The following DOCK2 variants were observed in gnomAD, a reference collection of about 807,000 sequenced individuals.
DOCK2 encodes the protein dedicator of cytokinesis 2, also known as dedicator of cytokinesis protein 2.
A neutral mutation model predicts 248.9 loss-of-function variants in DOCK2; 87 were observed. The ratio of observed to expected loss-of-function variants is 0.35; its 90% CI spans 0.29 to 0.42. The LOEUF is 0.42. Among genes scored for constraint, DOCK2 ranks in the 10% least tolerant of loss-of-function variants. DOCK2 has a pLI of 1.00. For synonymous variants in DOCK2, 805 were observed against 821.6 expected (o/e 0.98, Z 0.35); for missense variants, 1,747 against 2,300.2 (o/e 0.76, Z 4.92).
At chr5:169,698,912 G>C (rs142960665) in intron 11 of DOCK2, among the ~76,000 whole-genome samples, 1 of 152,282 alleles carries the variant, frequency 6.6e-6, no homozygotes, top group Non-Finnish European at 1.5e-5. Context: ...CCATGACTTA[G>C]GAGGAGGGCA....
At chr5:169,796,277 A>G (rs1009104501) in intron 25 of DOCK2, among the ~76,000 whole-genome samples, 2 of 152,202 alleles carry the variant, frequency 1.3e-5, no homozygotes, top group Non-Finnish European at 2.9e-5. Context: ...GGGTTCACAG[A>G]TTGGCAAGCA....
intron 2 of DOCK2, among the ~76,000 whole-genome samples, chr5:169,664,213 G>T (rs1758598754): frequency 6.6e-6 from 1 of 152,176 alleles, no homozygotes; most frequent in South Asian, 2.1e-4. Flanking sequence ...CCAAAGCATA[G>T]CTAGAGTGAC....
chr5:169,765,114 G>T (rs899286742), intron 25 of DOCK2, among the ~76,000 whole-genome samples: 1 of 139,248 alleles, frequency 7.2e-6, no homozygotes, highest in East Asian at 2.1e-4. Context: ...CCCACACACA[G>T]TTTTTTCCTT....
intron 27 of DOCK2, among the ~76,000 whole-genome samples, chr5:169,942,429 A>G (rs1464432310): frequency 6.6e-6 from 1 of 152,214 alleles, no homozygotes; most frequent in African/African-American, 2.4e-5. Context: ...CTGATTAGCA[A>G]CAGTTCATGC....
rs1027411820 is a variant in DOCK2 at position 169,841,570 on chromosome 5, A to C, written c.2799+718A>C. On this transcript the variant is annotated intron_variant, in intron 27 of 51. Coordinates refer to ENST00000520908, the MANE Select transcript of DOCK2 (RefSeq NM_004946.3). ...ATCTCACTCAGAATAAAATCCAAAC[A>C]TTGCCAGGCCTGAAATGCCTTTGCC... 1.1e-5 allele frequency: 6 copies of C among 549,250 alleles called. No homozygotes were observed. The East Asian group carries it at 5.9e-4, about 54-fold the overall frequency. The allele number at this position is 549,250 out of a possible 1,614,324, so 34.0% of individuals were successfully genotyped here.
chr5:169,882,132 A>G (rs1195498371), intron 27 of DOCK2, among the ~76,000 whole-genome samples: 1 of 152,218 alleles, frequency 6.6e-6, no homozygotes, highest in Middle Eastern at 3.2e-3. Flanking sequence ...TGGCCATCTC[A>G]AGTCCTTTGT....
intron 7 of DOCK2, among the ~76,000 whole-genome samples, chr5:169,683,638 G>A (rs906576450): frequency 6.6e-6 from 1 of 152,148 alleles, no homozygotes; most frequent in African/African-American, 2.4e-5. Flanking sequence ...TTGTGTAGTT[G>A]TATCTCATTG....
intron 36 of DOCK2, chr5:170,040,588 GAC>G: frequency 5.6e-6 from 1 of 178,102 alleles, no homozygotes; most frequent in South Asian, 1.2e-4. Context: ...CTCCTTCAAT[GAC>G]ACAGTGATTA....
intron 27 of DOCK2, among the ~76,000 whole-genome samples, chr5:169,932,702 C>G (rs1437489901): frequency 1.3e-5 from 2 of 152,154 alleles, no homozygotes; most frequent in African/African-American, 4.8e-5. Context: ...TCCCTATATT[C>G]CAGTCTCCAG....
intron 27 of DOCK2, among the ~76,000 whole-genome samples, chr5:169,845,877 T>G (rs1160833698): frequency 6.6e-6 from 1 of 152,200 alleles, no homozygotes; most frequent in Non-Finnish European, 1.5e-5. Flanking sequence ...CAGGGTTTTC[T>G]TAAGATATAG....
chr5:169,975,574 C>T (rs1243253146), intron 27 of DOCK2, among the ~76,000 whole-genome samples: 1 of 152,204 alleles, frequency 6.6e-6, no homozygotes, highest in Non-Finnish European at 1.5e-5. Flanking sequence ...TTTGCATCTA[C>T]TGTTCTGCCA....
intron 26 of DOCK2, among the ~76,000 whole-genome samples, chr5:169,838,505 G>A (rs1322569754): frequency 6.6e-6 from 1 of 152,192 alleles, no homozygotes; most frequent in Non-Finnish European, 1.5e-5. Flanking sequence ...TGTTCACGTA[G>A]TACAAGAAAT....
intron 27 of DOCK2, among the ~76,000 whole-genome samples, chr5:169,939,578 G>C (rs1416306555): frequency 6.6e-6 from 1 of 152,012 alleles, no homozygotes. Flanking sequence ...TTTATATGAC[G>C]GGCAGCACAG....
At chr5:169,947,988 A>T (rs1776513560) in intron 27 of DOCK2, among the ~76,000 whole-genome samples, 1 of 152,102 alleles carries the variant, frequency 6.6e-6, no homozygotes, top group South Asian at 2.1e-4. Context: ...CAGGGTCAGG[A>T]TTTGTCATTC....
rs183507060 is a variant in DOCK2, at chr5:169,986,454, C to T, written c.2993+532C>T. 2.6e-5 allele frequency among the ~76,000 whole-genome samples: 4 copies of T among 152,186 alleles called. No individual in the cohort carries two copies. In the East Asian group the frequency reaches 5.8e-4, roughly 22 times the overall value. On this transcript the variant is annotated intron_variant, in intron 29 of 51. Transcript: ENST00000520908. ...TGTCTATGTGTGTATCTATAATACC[C>T]GTTAACATCTCCTACACTATCAGTG...
intron 38 of DOCK2, among the ~76,000 whole-genome samples, chr5:170,044,117 C>A (rs1180874859): frequency 6.6e-6 from 1 of 152,158 alleles, no homozygotes; most frequent in Non-Finnish European, 1.5e-5. Context: ...GTTCCCTATA[C>A]CTCCTCAGGG....
chr5:170,000,503 G>A (rs1254869024), intron 30 of DOCK2: 1 of 152,188 alleles, frequency 6.6e-6, no homozygotes, highest in Non-Finnish European at 1.5e-5. Context: ...TAGGAACCGG[G>A]TGCCTCTGGA....
chr5:169,724,751 CTT>C lies in DOCK2; in HGVS notation c.2267+5973_2267+5974del, dbSNP rs57297495. On this transcript the variant is annotated intron_variant, in intron 22 of 51. Coordinates refer to ENST00000520908, the MANE Select transcript of DOCK2 (RefSeq NM_004946.3). ...CCGGCTTTCTGGTACTTTCTTTTGT[CTT>C]TTTTTTTTTTTTCTTATTTGCCTAT... Among the ~76,000 whole-genome samples, 1,152 of 145,176 alleles carry C rather than the reference CTT, an allele frequency of 7.9e-3. 20 individuals carry two copies. Among genetic ancestry groups the C allele is most frequent in the African/African-American group, 0.027 (1,064 of 39,588 alleles).
intron 27 of DOCK2, among the ~76,000 whole-genome samples, chr5:169,866,738 T>C (rs1240598516): frequency 6.6e-6 from 1 of 152,212 alleles, no homozygotes; most frequent in African/African-American, 2.4e-5. Flanking sequence ...ATACTGACTG[T>C]CTATTTCAGG....
Sources: gnomAD v4.1 joint callset for allele counts (sites outside exome capture counted in the v4.1 genomes callset) on GRCh38, gnomAD v4.1.1 for gene constraint, MANE v1.5 for transcripts, NCBI Gene and HGNC (gene_info 2026-07-23, HGNC 2026-07-21) for gene names.